The following VAV3 variants were observed in gnomAD, a reference collection of about 807,000 sequenced individuals.
VAV3 encodes the protein guanine nucleotide exchange factor VAV3.
A neutral mutation model predicts 131.2 loss-of-function variants in VAV3; 94 were observed. The ratio of observed to expected loss-of-function variants is 0.72; its 90% CI spans 0.61 to 0.85. VAV3 has a LOEUF of 0.85. VAV3 is among the 40% of genes least tolerant of loss of function. The probability of loss-of-function intolerance (pLI) is 0.00; values close to 1 mark genes in which losing one functional copy is unlikely to be tolerated. For synonymous variants in VAV3, 349 were observed against 342.0 expected, an observed-to-expected ratio of 1.02 and a Z score of -0.22; for missense variants, 939 against 1,002.7, an observed-to-expected ratio of 0.94 and a Z score of 0.86.
intron 21 of VAV3, among the ~76,000 whole-genome samples, chr1:107,615,435 T>C (rs922841235): frequency 3.9e-5 from 6 of 152,146 alleles, no homozygotes; most frequent in Non-Finnish European, 7.4e-5. Context: ...CCTTATATGA[T>C]ATACAAAAAT....
At chr1:107,640,490 C>T (rs1269795471) in intron 20 of VAV3, among the ~76,000 whole-genome samples, 3 of 152,118 alleles carry the variant, frequency 2.0e-5, no homozygotes, top group Non-Finnish European at 4.4e-5. Context: ...CAGGAAGGAG[C>T]ATGATGGAGG....
intron 1 of VAV3, 162 bp downstream of exon 1, chr1:107,964,503 AG>A (rs1470645304): frequency 2.9e-6 from 2 of 698,208 alleles, no homozygotes; most frequent in Non-Finnish European, 4.6e-6. Flanking sequence ...TTTCAAGCCA[AG>A]GTAGGAAACG....
chr1:107,651,954 T>C (rs920040703), intron 19 of VAV3, among the ~76,000 whole-genome samples: 1 of 152,066 alleles, frequency 6.6e-6, no homozygotes, highest in African/African-American at 2.4e-5. Flanking sequence ...CATGCTTTCT[T>C]AGGGTTCCTT....
At chr1:107,942,360 T>G (rs1440419973) in intron 1 of VAV3, among the ~76,000 whole-genome samples, 1 of 152,166 alleles carries the variant, frequency 6.6e-6, no homozygotes, top group Non-Finnish European at 1.5e-5. Context: ...TTACTCAGTG[T>G]ACAAAATGCA....
intron 10 of VAV3, among the ~76,000 whole-genome samples, chr1:107,758,055 AT>A (rs369960624): frequency 1.8e-3 from 273 of 152,272 alleles, no homozygotes; most frequent in African/African-American, 6.5e-3. Context: ...CCCAAACTTA[AT>A]CAATCTTCAC....
chr1:107,636,258 T>C (rs1031598014), intron 20 of VAV3, among the ~76,000 whole-genome samples: 2 of 152,164 alleles, frequency 1.3e-5, no homozygotes, highest in Non-Finnish European at 2.9e-5. Context: ...ATCTCAGATA[T>C]CATGCAACAG....
chr1:107,664,548 T>G (rs942996685), intron 19 of VAV3, among the ~76,000 whole-genome samples: 5 of 152,224 alleles, frequency 3.3e-5, no homozygotes, highest in Admixed American at 2.0e-4. Context: ...CAAACCAGTG[T>G]TCCCTTTTAT....
In VAV3 at chr1:107,860,651, T is replaced by A. The variant is rs776111942; in HGVS notation, c.321+14250A>T. ...TAACTGTGCTGTTTCATATGTGTTA[T>A]CCTAATCAGACATTTCAAATTACCC... On this transcript the variant is annotated intron_variant, in intron 2 of 26. Transcript: ENST00000370056. Among the ~76,000 whole-genome samples the A allele has an allele frequency of 1.6e-4, 25 of 151,638 alleles. 1 individual carries two copies. Among genetic ancestry groups the A allele is most frequent in the Non-Finnish European group, 3.2e-4 (22 of 67,862 alleles).
intron 7 of VAV3, among the ~76,000 whole-genome samples, chr1:107,766,914 G>GA (rs71098647): frequency 0.2 from 30,058 of 151,788 alleles, 3,102 homozygotes; most frequent in East Asian, 0.35. Context: ...AGCATCCTGT[G>GA]AAAAAAGAAA....
At chr1:107,762,534 A>G (rs1167061912) in intron 9 of VAV3, among the ~76,000 whole-genome samples, 2 of 152,292 alleles carry the variant, frequency 1.3e-5, no homozygotes, top group East Asian at 3.9e-4. Context: ...TCAAACAGAA[A>G]GTTACATTGT....
Position 107,903,589 on chromosome 1 carries a change from A to G in VAV3, c.205-28572T>C, listed in dbSNP as rs72983446. On this transcript the variant is annotated intron_variant, in intron 1 of 26. Coordinates refer to ENST00000370056, the MANE Select transcript of VAV3 (RefSeq NM_006113.5). ...TTCTCAAAGTGTGGCAAAGACAGTA[A>G]TAAGGGCATTCACCTAAGATACTCA... Among the ~76,000 whole-genome samples, 602 of 152,302 alleles carry G rather than the reference A, an allele frequency of 4.0e-3. 5 individuals are homozygous for G. The highest frequency in any genetic ancestry group is 0.014 in the African/African-American group (565 of 41,552).
rs1036519388 is a variant in VAV3, at chr1:107,638,972, T to C, written c.1914+3647A>G. Among the ~76,000 whole-genome samples the C allele has an allele frequency of 4.2e-4, 63 of 151,706 alleles. 1 individual carries two copies. The highest frequency in any genetic ancestry group is 2.1e-4 in the South Asian group (1 of 4,820). ...ATATATACACATAAAGATATATATATACACACACATATATAGTACATATAA... is the reference window on the plus strand; with the variant it reads ...ATATATACACATAAAGATATATATACACACACACATATATAGTACATATAA... On this transcript the variant is annotated intron_variant, in intron 20 of 26. Transcript: ENST00000370056.
intron 1 of VAV3, among the ~76,000 whole-genome samples, chr1:107,946,780 A>T (rs1441440526): frequency 6.6e-6 from 1 of 152,190 alleles, no homozygotes; most frequent in African/African-American, 2.4e-5. Context: ...GTCTTCTAAA[A>T]TTCTTCAGCT....
At chr1:107,911,541 C>G (rs1476056416) in intron 1 of VAV3, among the ~76,000 whole-genome samples, 1 of 152,048 alleles carries the variant, frequency 6.6e-6, no homozygotes, top group African/African-American at 2.4e-5. Flanking sequence ...TTTAAATCTA[C>G]AGAATAATTA....
chr1:107,835,449 AG>A (rs1211992645), intron 2 of VAV3, among the ~76,000 whole-genome samples: 3 of 152,056 alleles, frequency 2.0e-5, no homozygotes, highest in African/African-American at 7.2e-5. Flanking sequence ...CTGAACACTG[AG>A]AAGAGTGAGA....
At chr1:107,743,400 T>C (rs972831943) in intron 15 of VAV3, among the ~76,000 whole-genome samples, 3 of 152,148 alleles carry the variant, frequency 2.0e-5, no homozygotes, top group African/African-American at 4.8e-5. Context: ...GGGGGCTGTA[T>C]CAAGCGTAAT....
chr1:107,918,933 CT>C (rs1672756447), intron 1 of VAV3, among the ~76,000 whole-genome samples: 1 of 151,918 alleles, frequency 6.6e-6, no homozygotes. Context: ...TCTTGAACTC[CT>C]GACCTCAGGT....
intron 2 of VAV3, chr1:107,785,352 T>C (rs1027548048): frequency 9.3e-7 from 1 of 1,075,448 alleles, no homozygotes; most frequent in African/African-American, 1.7e-5. Context: ...TTGAGTTCTC[T>C]ATTCTGAAAT....
intron 2 of VAV3, among the ~76,000 whole-genome samples, chr1:107,780,000 T>A (rs1322987024): frequency 6.6e-6 from 1 of 152,218 alleles, no homozygotes; most frequent in African/African-American, 2.4e-5. Flanking sequence ...AAAATTTCCA[T>A]CATCACAGAA....
Sources: gnomAD v4.1 joint callset for allele counts (sites outside exome capture counted in the v4.1 genomes callset) on GRCh38, gnomAD v4.1.1 for gene constraint, MANE v1.5 for transcripts, NCBI Gene and HGNC (gene_info 2026-07-23, HGNC 2026-07-21) for gene names.